NIPAL2: variants seen among roughly 807,000 people sequenced by gnomAD.
NIPAL2 encodes NIPA-like protein 2.
NIPAL2 carries 43 observed loss-of-function variants against 48.9 expected under a neutral mutation model. That is an observed-to-expected ratio of 0.88 (90% confidence interval 0.69 to 1.13). NIPAL2 has a LOEUF of 1.13. NIPAL2 is among the 50% of genes most tolerant of loss of function. The pLI is 0.00. For synonymous variants in NIPAL2, 167 were observed against 174.6 expected (o/e 0.96, Z 0.34); for missense variants, 446 against 461.4 (o/e 0.97, Z 0.31).
intron 4 of NIPAL2, among the ~76,000 whole-genome samples, chr8:98,229,253 T>G (rs1052606816): frequency 6.6e-6 from 1 of 152,216 alleles, no homozygotes; most frequent in Non-Finnish European, 1.5e-5. Flanking sequence ...TACACAAATA[T>G]TAAATAAAAC....
At chr8:98,237,705 C>T (rs1343083841) in intron 3 of NIPAL2, among the ~76,000 whole-genome samples, 1 of 152,164 alleles carries the variant, frequency 6.6e-6, no homozygotes, top group Non-Finnish European at 1.5e-5. Flanking sequence ...TTCCCAGAAT[C>T]CACCATGCAG....
At chr8:98,263,421 A>G (rs1814487776) in intron 1 of NIPAL2, among the ~76,000 whole-genome samples, 1 of 150,914 alleles carries the variant, frequency 6.6e-6, no homozygotes, top group South Asian at 2.1e-4. Context: ...AATCTAATAG[A>G]TGCAATAAAA....
chr8:98,251,629 C>G (rs1265166048), intron 3 of NIPAL2: 1 of 152,126 alleles, frequency 6.6e-6, no homozygotes, highest in African/African-American at 2.4e-5. Flanking sequence ...CTCTTCGAAT[C>G]TACATCGTTT....
chr8:98,204,019 G>A (rs1810920089), intron 7 of NIPAL2, among the ~76,000 whole-genome samples: 1 of 152,112 alleles, frequency 6.6e-6, no homozygotes, highest in African/African-American at 2.4e-5. Context: ...GGCAACCAGG[G>A]CTGAGAACCA....
chr8:98,236,726 C>T (rs1586369840), intron 3 of NIPAL2, among the ~76,000 whole-genome samples: 1 of 151,684 alleles, frequency 6.6e-6, no homozygotes, highest in Non-Finnish European at 1.5e-5. Context: ...GTGGCGTGGG[C>T]CTGTAGTCCC....
chr8:98,213,159 A>G (rs1811403971), intron 5 of NIPAL2, among the ~76,000 whole-genome samples: 1 of 152,130 alleles, frequency 6.6e-6, no homozygotes. Flanking sequence ...GAACGTACCG[A>G]CACCTCTGAA....
At chr8:98,222,866 G>A (rs1464478402) in intron 4 of NIPAL2, among the ~76,000 whole-genome samples, 3 of 152,204 alleles carry the variant, frequency 2.0e-5, no homozygotes, top group Non-Finnish European at 4.4e-5. Flanking sequence ...AGCATCTTCA[G>A]GGAAACTTTC....
At chr8:98,243,688 TC>T (rs994827834) in intron 3 of NIPAL2, among the ~76,000 whole-genome samples, 12 of 152,226 alleles carry the variant, frequency 7.9e-5, no homozygotes, top group Admixed American at 4.6e-4. Context: ...GGTTTGAGGT[TC>T]TTCTGTAATA....
intron 3 of NIPAL2, among the ~76,000 whole-genome samples, chr8:98,244,572 C>CGCTGTGGTGAGGAGAGGGTGG (rs1813194521): frequency 1.9e-5 from 1 of 53,616 alleles, no homozygotes; most frequent in African/African-American, 7.0e-5. Context: ...AAGGGGGGTG[C>CGCTGTGGTGAGGAGAGGGTGG]GCTGTGGTGA....
At chr8:98,257,419 C>T (rs536414966) in intron 1 of NIPAL2, among the ~76,000 whole-genome samples, 42 of 147,930 alleles carry the variant, frequency 2.8e-4, no homozygotes, top group African/African-American at 8.8e-4. Flanking sequence ...ATGATCTCAG[C>T]GGCTAATTTT....
At chr8:98,215,904 C>T (rs1424488499) in intron 5 of NIPAL2, among the ~76,000 whole-genome samples, 1 of 152,064 alleles carries the variant, frequency 6.6e-6, no homozygotes, top group Non-Finnish European at 1.5e-5. Context: ...TGGGAAAAAC[C>T]TCAATTAATT....
At chr8:98,209,191 T>C (rs1811185886) in intron 6 of NIPAL2, among the ~76,000 whole-genome samples, 1 of 152,156 alleles carries the variant, frequency 6.6e-6, no homozygotes. Context: ...AAAGAATATA[T>C]ACTGTAAATA....
At chr8:98,252,800 A>T (rs1813666993) in intron 2 of NIPAL2, among the ~76,000 whole-genome samples, 166 bp from the exon 3 acceptor site, 1 of 152,100 alleles carries the variant, frequency 6.6e-6, no homozygotes, top group African/African-American at 2.4e-5. Context: ...AAATTATATT[A>T]GGTCATTTTC....
At chr8:98,209,008 A>G (rs1811176820) in intron 6 of NIPAL2, among the ~76,000 whole-genome samples, 1 of 152,084 alleles carries the variant, frequency 6.6e-6, no homozygotes. Flanking sequence ...CTTGGTTCTC[A>G]TTTCTTGCTG....
chr8:98,193,227 A>C, intron 10 of NIPAL2, 137 bp from the exon 11 acceptor site: 4 of 1,050,750 alleles, frequency 3.8e-6, no homozygotes, highest in South Asian at 1.4e-5. Context: ...GAAGAGATGA[A>C]TATCAAGGAA....
rs33923448 is a variant in NIPAL2, at chr8:98,209,445, C to CAAAAAAAAAAAAAAA, written c.655+2945_655+2959dup. The stretch of plus-strand genomic sequence containing the variant: ...GCAGCATGGGGATACCCTGTCTCTC[C>CAAAAAAAAAAAAAAA]AAAAAAAAAAAAAAAAAAAAAAATT... On this transcript the variant is annotated intron_variant, in intron 6 of 10. Coordinates refer to ENST00000430223, the MANE Select transcript of NIPAL2 (RefSeq NM_001321635.2). Among the ~76,000 whole-genome samples the CAAAAAAAAAAAAAAA allele has an allele frequency of 3.3e-4, 23 of 70,502 alleles. 1 individual carries two copies. The highest frequency in any genetic ancestry group is 1.4e-3 in the African/African-American group (22 of 16,260). 46.3% of individuals were successfully genotyped at this position (70,502 alleles called of 152,430 possible). A position where few individuals can be genotyped will look rare whatever the true frequency, so the allele number is the denominator to read the frequency against.
chr8:98,227,566 G>A (rs1429595306), intron 4 of NIPAL2, among the ~76,000 whole-genome samples: 1 of 152,210 alleles, frequency 6.6e-6, no homozygotes, highest in Non-Finnish European at 1.5e-5. Context: ...CTACGGCCTG[G>A]AATGGGGGCC....
chr8:98,267,538 T>A (rs1256217821), intron 1 of NIPAL2, among the ~76,000 whole-genome samples: 3 of 152,114 alleles, frequency 2.0e-5, no homozygotes, highest in Non-Finnish European at 4.4e-5. Context: ...CAGGCTGGTC[T>A]CAAACACCTG....
intron 4 of NIPAL2, among the ~76,000 whole-genome samples, chr8:98,227,344 AG>A (rs1056315611): frequency 1.3e-5 from 2 of 152,100 alleles, no homozygotes; most frequent in African/African-American, 4.8e-5. Context: ...TAGCCACCAC[AG>A]CTGTGAATAT....
Sources: allele counts gnomAD v4.1 joint callset (sites outside exome capture counted in the v4.1 genomes callset), GRCh38; gene constraint gnomAD v4.1.1; transcripts MANE v1.5; gene names NCBI Gene and HGNC (gene_info 2026-07-23, HGNC 2026-07-21).